HIVEP3: variants seen among roughly 807,000 people sequenced by gnomAD.
The protein encoded by HIVEP3 is HIVEP zinc finger 3, also known as transcription factor HIVEP3.
HIVEP3 carries 49 observed loss-of-function variants against 152.8 expected under a neutral mutation model. The observed-to-expected ratio is 0.32, with a 90% CI of 0.26 to 0.41. The LOEUF is 0.41. Ranked by LOEUF, HIVEP3 falls within the 10% of genes least tolerant of loss-of-function variation. The pLI is 1.00. For missense variants in HIVEP3, 2,790 were observed against 3,103.3 expected (o/e 0.90, Z 2.40); for synonymous variants, 1,269 against 1,289.0 (o/e 0.98, Z 0.33).
chr1:41,652,106 G>A (rs1645560063), intron 2 of HIVEP3, among the ~76,000 whole-genome samples: 1 of 152,166 alleles, frequency 6.6e-6, no homozygotes, highest in South Asian at 2.1e-4. Flanking sequence ...TATAGCCAAG[G>A]AAAGGGAGGC....
chr1:41,700,899 G>A lies in HIVEP3; in HGVS notation c.-721+17C>T. ...CTGAAACTGCCCTGTGTCCTGTGGGGGATGGGGAGGGCTCACCTGCCAAAA... is the reference window on the plus strand; with the variant it reads ...CTGAAACTGCCCTGTGTCCTGTGGGAGATGGGGAGGGCTCACCTGCCAAAA... On this transcript the variant is annotated intron_variant, in intron 2 of 8. Transcript: ENST00000372583. 1.0e-6 allele frequency: 1 copy of A among 972,958 alleles called. No homozygotes were observed. The highest frequency in any genetic ancestry group is 1.2e-6 in the Non-Finnish European group (1 of 818,638). The allele number at this position is 972,958 out of a possible 1,614,324, so 60.3% of individuals were successfully genotyped here.
intron 1 of HIVEP3, among the ~76,000 whole-genome samples, chr1:41,932,204 G>A (rs992033369): frequency 2.6e-5 from 4 of 151,532 alleles, no homozygotes; most frequent in Admixed American, 2.0e-4. Context: ...AATAATCATC[G>A]TTTTTCTTTT....
At chr1:41,621,267 A>C (rs1645043403) in intron 3 of HIVEP3, among the ~76,000 whole-genome samples, 1 of 152,186 alleles carries the variant, frequency 6.6e-6, no homozygotes, top group Non-Finnish European at 1.5e-5. Flanking sequence ...AGAGCCCTGG[A>C]ATCTGCATTT....
intron 1 of HIVEP3, among the ~76,000 whole-genome samples, chr1:41,872,291 A>C (rs1644095527): frequency 6.6e-6 from 1 of 152,232 alleles, no homozygotes; most frequent in South Asian, 2.1e-4. Flanking sequence ...TGAGGTACAG[A>C]GTGGCGGGAT....
At chr1:41,516,724 G>A (rs1178187366) in intron 7 of HIVEP3, among the ~76,000 whole-genome samples, 1 of 152,164 alleles carries the variant, frequency 6.6e-6, no homozygotes, top group Admixed American at 6.5e-5. Context: ...TCCAGCACGC[G>A]GGCCAAGCGC....
chr1:41,966,696 T>C (rs1316091794), intron 1 of HIVEP3, among the ~76,000 whole-genome samples: 4 of 151,262 alleles, frequency 2.6e-5, no homozygotes, highest in Non-Finnish European at 2.9e-5. Context: ...TTAGCCAGGA[T>C]GGTCTCAATC....
At chr1:41,838,418 T>C (rs1402784353) in intron 1 of HIVEP3, among the ~76,000 whole-genome samples, 1 of 152,114 alleles carries the variant, frequency 6.6e-6, no homozygotes, top group African/African-American at 2.4e-5. Context: ...CTTCACTCCT[T>C]GCCTTCTTTC....
chr1:41,967,432 A>C (rs945871771), intron 1 of HIVEP3, among the ~76,000 whole-genome samples: 1 of 152,222 alleles, frequency 6.6e-6, no homozygotes, highest in Non-Finnish European at 1.5e-5. Flanking sequence ...AAATTGAACA[A>C]CCTGCTCCTG....
At chr1:41,714,592 GT>G (rs1646562088) in intron 1 of HIVEP3, among the ~76,000 whole-genome samples, 2 of 152,284 alleles carry the variant, frequency 1.3e-5, no homozygotes, top group South Asian at 4.1e-4. Flanking sequence ...GGGTAGCCAG[GT>G]CAGGGGACAC....
intron 1 of HIVEP3, among the ~76,000 whole-genome samples, chr1:41,938,904 G>T (rs575543064): frequency 6.6e-6 from 1 of 152,316 alleles, no homozygotes; most frequent in Admixed American, 6.5e-5. Context: ...TGATTGAAAT[G>T]CTGCTGTTCA....
intron 1 of HIVEP3, among the ~76,000 whole-genome samples, chr1:41,820,774 G>A (rs1348762989): frequency 1.3e-5 from 2 of 152,196 alleles, no homozygotes; most frequent in Admixed American, 1.3e-4. Context: ...TTAGCTCCAC[G>A]AAGGAGGATA....
At chr1:41,571,943 G>C (rs1006222265) in intron 5 of HIVEP3, among the ~76,000 whole-genome samples, 1 of 152,192 alleles carries the variant, frequency 6.6e-6, no homozygotes, top group Non-Finnish European at 1.5e-5. Context: ...GGTGGCCAGA[G>C]CAGTGGCAGA....
intron 5 of HIVEP3, among the ~76,000 whole-genome samples, chr1:41,558,013 CGGAG>C (rs1372574281): frequency 6.6e-6 from 1 of 152,162 alleles, no homozygotes; most frequent in Non-Finnish European, 1.5e-5. Context: ...TGGAGCTACA[CGGAG>C]GTGGAGGAAT....
intron 1 of HIVEP3, among the ~76,000 whole-genome samples, chr1:41,944,049 T>C (rs1286146058): frequency 6.6e-6 from 1 of 152,228 alleles, no homozygotes; most frequent in Non-Finnish European, 1.5e-5. Context: ...ATTCCACTTA[T>C]ATGAGGTACT....
chr1:41,957,426 C>T (rs1270668443), intron 1 of HIVEP3, among the ~76,000 whole-genome samples: 1 of 152,186 alleles, frequency 6.6e-6, no homozygotes, highest in East Asian at 1.9e-4. Flanking sequence ...CCTAGTCTAA[C>T]ACAGTGGAGC....
Position 41,556,824 on chromosome 1 carries a change from G to A in HIVEP3, c.5207+18720C>T, listed in dbSNP as rs564946011. Among the ~76,000 whole-genome samples, 5 of 152,286 alleles carry A rather than the reference G, an allele frequency of 3.3e-5. No individual in the cohort carries two copies. The South Asian group carries it at 6.2e-4, about 19-fold the overall frequency. On this transcript the variant is annotated intron_variant, in intron 5 of 8. Transcript: ENST00000372583. ...AGTTCATTTCTGTATATGGTGTAAGGTATGAGTCCAACTTCACCTTTTGCA... is the reference window on the plus strand; with the variant it reads ...AGTTCATTTCTGTATATGGTGTAAGATATGAGTCCAACTTCACCTTTTGCA...
intron 2 of HIVEP3, among the ~76,000 whole-genome samples, chr1:41,698,790 A>G (rs1646316092): frequency 6.6e-6 from 1 of 151,848 alleles, no homozygotes; most frequent in African/African-American, 2.4e-5. Context: ...GCCCCCACTG[A>G]ATGTAGCTCC....
At chr1:42,017,756 T>C (rs1188623732) in intron 1 of HIVEP3, among the ~76,000 whole-genome samples, 1 of 152,164 alleles carries the variant, frequency 6.6e-6, no homozygotes, top group Non-Finnish European at 1.5e-5. Context: ...CAAATATATA[T>C]ACTACATTTG....
At chr1:41,807,449 G>A (rs966507972) in intron 1 of HIVEP3, among the ~76,000 whole-genome samples, 18 of 152,208 alleles carry the variant, frequency 1.2e-4, no homozygotes, top group Non-Finnish European at 2.5e-4. Context: ...GAGAGACAGA[G>A]GGAGTGAGGG....
Sources: allele counts gnomAD v4.1 joint callset (sites outside exome capture counted in the v4.1 genomes callset), GRCh38; gene constraint gnomAD v4.1.1; transcripts MANE v1.5; gene names NCBI Gene and HGNC (gene_info 2026-07-23, HGNC 2026-07-21).